The following CATSPERB variants were observed in gnomAD, a reference collection of about 807,000 sequenced individuals.
CATSPERB encodes cation channel sperm-associated auxiliary subunit beta.
CATSPERB carries 93 observed loss-of-function variants against 128.3 expected under a neutral mutation model. That is an observed-to-expected ratio of 0.72 (90% CI 0.61 to 0.86). The LOEUF is 0.86. Ranked by LOEUF, CATSPERB falls within the 40% of genes least tolerant of loss-of-function variation. The probability of loss-of-function intolerance (pLI) is 0.00; values close to 1 mark genes in which losing one functional copy is unlikely to be tolerated. For synonymous variants in CATSPERB, 381 were observed against 448.8 expected (o/e 0.85, Z 1.91); for missense variants, 1,153 against 1,329.5 (o/e 0.87, Z 2.06).
intron 9 of CATSPERB, among the ~76,000 whole-genome samples, chr14:91,692,381 C>T (rs557846935): frequency 5.3e-4 from 81 of 152,142 alleles, no homozygotes; most frequent in Middle Eastern, 6.8e-3. Flanking sequence ...GCCATTGTAG[C>T]GTTCCTGGTT....
intron 13 of CATSPERB, among the ~76,000 whole-genome samples, chr14:91,670,545 G>A (rs1895069744): frequency 6.6e-6 from 1 of 152,060 alleles, no homozygotes; most frequent in Admixed American, 6.5e-5. Context: ...AGCCAGGCAT[G>A]GTGGCATGAA....
intron 13 of CATSPERB, among the ~76,000 whole-genome samples, chr14:91,671,745 TA>T (rs1388643714): frequency 6.6e-6 from 1 of 151,970 alleles, no homozygotes; most frequent in Non-Finnish European, 1.5e-5. Context: ...AGATGGTACC[TA>T]ACCGTCCAGG....
At chr14:91,688,988 G>T (rs1895421067) in intron 10 of CATSPERB, among the ~76,000 whole-genome samples, 2 of 152,186 alleles carry the variant, frequency 1.3e-5, no homozygotes, top group Non-Finnish European at 2.9e-5. Context: ...TGAAGAGAGG[G>T]CTCAGGTATG....
intron 18 of CATSPERB, among the ~76,000 whole-genome samples, 173 bp downstream of exon 18, chr14:91,624,647 A>G (rs531424875): frequency 2.6e-5 from 4 of 152,250 alleles, no homozygotes; most frequent in African/African-American, 9.6e-5. Flanking sequence ...TTGCCAAAAA[A>G]AAAAAAAACA....
intron 11 of CATSPERB, among the ~76,000 whole-genome samples, chr14:91,674,528 A>G (rs1190253039): frequency 6.6e-6 from 1 of 152,134 alleles, no homozygotes; most frequent in Non-Finnish European, 1.5e-5. Flanking sequence ...GTTTTATTTT[A>G]TGTCATTTTA....
intron 22 of CATSPERB, chr14:91,605,043 A>G: frequency 8.4e-7 from 1 of 1,191,526 alleles, no homozygotes; most frequent in East Asian, 2.3e-5. Flanking sequence ...TGTTTCTTGA[A>G]TGGGACCTTG....
intron 14 of CATSPERB, among the ~76,000 whole-genome samples, chr14:91,668,781 G>A (rs1895034270): frequency 6.6e-6 from 1 of 152,152 alleles, no homozygotes; most frequent in African/African-American, 2.4e-5. Context: ...AAGGTCTGCA[G>A]CTTCACTCCT....
chr14:91,625,052 A>G (rs1894133788), intron 17 of CATSPERB, 45 bp from the exon 18 acceptor site: 1 of 1,235,670 alleles, frequency 8.1e-7, no homozygotes, highest in South Asian at 1.7e-5. Flanking sequence ...AAAACAGTGG[A>G]TTAAATGAAC....
intron 2 of CATSPERB, among the ~76,000 whole-genome samples, chr14:91,726,651 A>C (rs574494694): frequency 2.6e-4 from 39 of 152,290 alleles, no homozygotes; most frequent in African/African-American, 9.1e-4. Flanking sequence ...GACCAGTGGG[A>C]ATGAAGAAGT....
intron 19 of CATSPERB, among the ~76,000 whole-genome samples, chr14:91,618,148 T>A: frequency 1.3e-5 from 2 of 152,308 alleles, no homozygotes; most frequent in African/African-American, 4.8e-5. Flanking sequence ...GGTAACTTCC[T>A]GATGTTGCCA....
At position 91,621,717 on chromosome 14, in the gene CATSPERB, T is replaced by C. The variant is rs753756299; in HGVS notation, c.2151A>G (p.Pro717=). The change falls in exon 19 of 27, where the codon CCA becomes CCG. Residue 717 remains proline (P), a synonymous_variant. Coordinates refer to ENST00000256343, the MANE Select transcript of CATSPERB (RefSeq NM_024764.4). ...NGRTWKIYSK[P]CNYWFQHDDS... ...CATCATGTTGAAACCAATAATTACA[T>C]GGTTTTGAATATATTTTCCATGTTC... is the stretch of plus-strand genomic sequence containing the variant. 12 of 1,613,766 alleles carry C rather than the reference T, an allele frequency of 7.4e-6. No individual in the cohort carries two copies. In the Admixed American group the frequency reaches 1.2e-4, roughly 16 times the overall value.
chr14:91,713,553 C>T (rs767876339), intron 5 of CATSPERB, among the ~76,000 whole-genome samples: 4 of 152,094 alleles, frequency 2.6e-5, no homozygotes, highest in Admixed American at 6.5e-5. Flanking sequence ...ACTCCGTGTC[C>T]GTAGATTCAA....
chr14:91,665,743 G>A (rs1894973224), intron 14 of CATSPERB, among the ~76,000 whole-genome samples: 1 of 152,096 alleles, frequency 6.6e-6, no homozygotes. Flanking sequence ...GGTGGCAGGT[G>A]CCTGTAATCC....
intron 17 of CATSPERB, among the ~76,000 whole-genome samples, chr14:91,632,252 A>T (rs1894292631): frequency 6.6e-6 from 1 of 152,180 alleles, no homozygotes. Flanking sequence ...GAAATAGTAT[A>T]CCACGAAAAT....
chr14:91,637,787 C>T (rs1327890534), intron 16 of CATSPERB, among the ~76,000 whole-genome samples: 4 of 145,734 alleles, frequency 2.7e-5, no homozygotes, highest in Non-Finnish European at 4.6e-5. Flanking sequence ...TATACAAATA[C>T]CTGTAGGGTT....
At position 91,584,733 on chromosome 14, in the gene CATSPERB, G is replaced by A. The variant is rs142917682; in HGVS notation, c.3132+2469C>T. Among the ~76,000 whole-genome samples the A allele has an allele frequency of 1.1e-4, 16 of 152,262 alleles. No individual in the cohort carries two copies. In the East Asian group the frequency reaches 3.1e-3, roughly 29 times the overall value. ...CCCTCACCCCTAACACTTTAAAGAT[G>A]TTGTATAACTTTCTTTTGCCTCTGT... is the stretch of plus-strand genomic sequence containing the variant. On this transcript the variant is annotated intron_variant, in intron 26 of 26. Transcript: ENST00000256343.
At position 91,587,292 on chromosome 14, in the gene CATSPERB, C is replaced by T. The variant is rs755909912; in HGVS notation, c.3058-16G>A. 4.4e-6 allele frequency: 7 copies of T among 1,591,546 alleles called. No homozygotes were observed. In the South Asian group the frequency reaches 6.8e-5, roughly 16 times the overall value. On this transcript the variant is annotated splice_polypyrimidine_tract_variant and intron_variant, in intron 25 of 26. Coordinates refer to ENST00000256343, the MANE Select transcript of CATSPERB (RefSeq NM_024764.4). Reference sequence around the variant, plus strand: ...GTTCAGAGCCCTGTGGAAAAAAGCACACCCAGTTGTTAGCAGCATCAACAT... The same window carrying T: ...GTTCAGAGCCCTGTGGAAAAAAGCATACCCAGTTGTTAGCAGCATCAACAT...
intron 2 of CATSPERB, 25 bp from the exon 3 acceptor site, chr14:91,725,193 A>G: frequency 8.8e-7 from 1 of 1,133,088 alleles, no homozygotes; most frequent in Non-Finnish European, 1.2e-6. Context: ...AAATACATAT[A>G]TTAGATCACT....
chr14:91,622,847 G>T (rs1460048806), intron 18 of CATSPERB, among the ~76,000 whole-genome samples: 1 of 148,454 alleles, frequency 6.7e-6, no homozygotes, highest in African/African-American at 2.5e-5. Flanking sequence ...TCAGACTTTT[G>T]TCTACATGAC....
Sources: allele counts gnomAD v4.1 joint callset (sites outside exome capture counted in the v4.1 genomes callset), GRCh38; gene constraint gnomAD v4.1.1; transcripts MANE v1.5; gene names NCBI Gene and HGNC (gene_info 2026-07-23, HGNC 2026-07-21).